MTUS1: variants seen among roughly 807,000 people sequenced by gnomAD.
The protein encoded by MTUS1 is microtubule-associated tumor suppressor 1.
A neutral mutation model predicts 120.8 loss-of-function variants in MTUS1; 109 were observed. That is an observed-to-expected ratio of 0.90 (90% CI 0.77 to 1.06). The LOEUF is 1.06. MTUS1 is among the 50% of genes least tolerant of loss of function. MTUS1 has a pLI of 0.00. For missense variants in MTUS1, 2,210 were observed against 1,486.3 expected (o/e 1.49, Z -8.01); for synonymous variants, 737 against 550.5 (o/e 1.34, Z -4.74).
intron 3 of MTUS1, among the ~76,000 whole-genome samples, chr8:17,733,244 G>A (rs770076882): frequency 1.4e-4 from 21 of 151,982 alleles, no homozygotes; most frequent in African/African-American, 2.7e-4. Flanking sequence ...TCAGCTACTC[G>A]GTAGGCTGAG....
intron 14 of MTUS1, among the ~76,000 whole-genome samples, 171 bp from the exon 15 acceptor site, chr8:17,646,310 G>T (rs901860192): frequency 3.3e-5 from 5 of 152,124 alleles, no homozygotes; most frequent in African/African-American, 4.8e-5. Context: ...AACACAGGCC[G>T]GGCGTGGTGG....
In MTUS1 at chr8:17,736,274, T is replaced by C. The variant is rs1314667649; in HGVS notation, c.2287+7330A>G. Among the ~76,000 whole-genome samples, 3 of 152,242 alleles carry C rather than the reference T, an allele frequency of 2.0e-5. No homozygotes were observed. In the East Asian group the frequency reaches 5.8e-4, roughly 29 times the overall value. ...TGTCCGTGAGGATGAAAAGAGGACA[T>C]GTGCCTCGCAGGCACCTGCATGGCC... is the stretch of plus-strand genomic sequence containing the variant. On this transcript the variant is annotated intron_variant, in intron 3 of 14. Transcript: ENST00000693296.
At chr8:17,654,383 C>G (rs960727912) in intron 10 of MTUS1, 178 bp downstream of exon 10, 26 of 593,688 alleles carry the variant, frequency 4.4e-5, no homozygotes, top group Non-Finnish European at 5.4e-5. Flanking sequence ...TATTTGCATC[C>G]TTAGTGGGAA....
chr8:17,756,443 C>T (rs990706557), intron 1 of MTUS1, among the ~76,000 whole-genome samples: 41 of 152,164 alleles, frequency 2.7e-4, no homozygotes, highest in African/African-American at 8.9e-4. Context: ...ATTAGACAGG[C>T]CATGAAAGCC....
At chr8:17,765,000 G>T (rs2049355206) in intron 1 of MTUS1, among the ~76,000 whole-genome samples, 1 of 152,094 alleles carries the variant, frequency 6.6e-6, no homozygotes, top group African/African-American at 2.4e-5. Flanking sequence ...AGAATCAGTG[G>T]GAGCCCTCAG....
At chr8:17,765,451 C>T (rs1044425356) in intron 1 of MTUS1, among the ~76,000 whole-genome samples, 1 of 151,924 alleles carries the variant, frequency 6.6e-6, no homozygotes, top group Non-Finnish European at 1.5e-5. Flanking sequence ...AAAACTCTTT[C>T]TCTACAAAAT....
intron 6 of MTUS1, among the ~76,000 whole-genome samples, chr8:17,708,407 A>C (rs1820583194): frequency 6.6e-6 from 1 of 152,214 alleles, no homozygotes; most frequent in Non-Finnish European, 1.5e-5. Flanking sequence ...GTATCACTTC[A>C]TACCCAGTAG....
intron 4 of MTUS1, among the ~76,000 whole-genome samples, chr8:17,722,880 A>G (rs2045940889): frequency 6.6e-6 from 1 of 152,128 alleles, no homozygotes. Context: ...CAAAAGAAGA[A>G]ACTGATCTGT....
chr8:17,769,915 CACACACACACA>C (rs1448315572), intron 1 of MTUS1, among the ~76,000 whole-genome samples: 38 of 89,128 alleles, frequency 4.3e-4, no homozygotes, highest in South Asian at 1.6e-3. Context: ...CACACACACA[CACACACACACA>C]CGGGGGGGGT....
chr8:17,691,600 A>T (rs1446256221), intron 6 of MTUS1, among the ~76,000 whole-genome samples: 1 of 152,250 alleles, frequency 6.6e-6, no homozygotes, highest in Non-Finnish European at 1.5e-5. Flanking sequence ...AGGGGCAGTG[A>T]AAGACTACAT....
At position 17,733,334 on chromosome 8, in the gene MTUS1, C is replaced by T. The variant is rs544718572; in HGVS notation, c.2288-9501G>A. Among the ~76,000 whole-genome samples the T allele has an allele frequency of 1.6e-3, 245 of 149,772 alleles. 1 individual carries two copies. The highest frequency in any genetic ancestry group is 3.6e-3 in the South Asian group (17 of 4,714). On this transcript the variant is annotated intron_variant, in intron 3 of 14. Transcript: ENST00000693296. ...CCATTGCACTCCAGCCTGGGCGACA[C>T]AGCAAGACTGTGCCTCAAAAAAATT...
At position 17,675,257 on chromosome 8, in the gene MTUS1, G is replaced by A. The variant is rs770788572; in HGVS notation, c.2839-5C>T. The stretch of plus-strand genomic sequence containing the variant: ...TTGTTTCAGTGCTTCCTCCCGCTGC[G>A]GAAAACACACATCAAGTTACTCATG... On this transcript the variant is annotated splice_region_variant and splice_polypyrimidine_tract_variant and intron_variant, in intron 7 of 14. Coordinates refer to ENST00000693296, the MANE Select transcript of MTUS1 (RefSeq NM_001363059.2). 2.0e-5 allele frequency: 32 copies of A among 1,613,654 alleles called. No homozygotes were observed. Among genetic ancestry groups the A allele is most frequent in the East Asian group, 8.9e-5 (4 of 44,880 alleles).
rs73204299 is a variant in MTUS1, at chr8:17,714,007, C to T, written c.2585-755G>A. Among the ~76,000 whole-genome samples, 6 of 152,192 alleles carry T rather than the reference C, an allele frequency of 3.9e-5. No individual in the cohort carries two copies. The South Asian group carries it at 1.2e-3, about 32-fold the overall frequency. On this transcript the variant is annotated intron_variant, in intron 5 of 14. Transcript: ENST00000693296. ...GAGTCTCCTGTTCTACAAAGCTGTC[C>T]ATGGAATCTCATTCTCTGCAAGTTA...
At chr8:17,751,232 G>C (rs901863316) in intron 2 of MTUS1, among the ~76,000 whole-genome samples, 4 of 152,190 alleles carry the variant, frequency 2.6e-5, no homozygotes, top group African/African-American at 9.7e-5. Flanking sequence ...CTGGGAGGCA[G>C]AGGTTGCAGT....
chr8:17,795,007 G>C (rs977100785), intron 1 of MTUS1, among the ~76,000 whole-genome samples: 1 of 152,192 alleles, frequency 6.6e-6, no homozygotes, highest in African/African-American at 2.4e-5. Context: ...TTTCTTATTT[G>C]TCACTGAACA....
intron 1 of MTUS1, among the ~76,000 whole-genome samples, chr8:17,761,106 C>T (rs923293688): frequency 2.0e-5 from 3 of 151,750 alleles, no homozygotes; most frequent in African/African-American, 4.8e-5. Flanking sequence ...TCCTCTTAAA[C>T]GGTTACCAAA....
intron 12 of MTUS1, among the ~76,000 whole-genome samples, chr8:17,651,923 C>A (rs1340994571): frequency 6.6e-6 from 1 of 152,224 alleles, no homozygotes; most frequent in African/African-American, 2.4e-5. Context: ...AAATCACTGA[C>A]TCTTCCTAAG....
At chr8:17,719,907 T>C (rs1364717543) in intron 4 of MTUS1, among the ~76,000 whole-genome samples, 1 of 152,228 alleles carries the variant, frequency 6.6e-6, no homozygotes, top group Non-Finnish European at 1.5e-5. Context: ...CCTGTCTTAT[T>C]GCAGTGAAAA....
Position 17,767,560 on chromosome 8 carries a change from T to A in MTUS1, c.-154-11599A>T, listed in dbSNP as rs540362386. 1.3e-3 allele frequency among the ~76,000 whole-genome samples: 187 copies of A among 147,620 alleles called. 2 individuals are homozygous for A. Among genetic ancestry groups the A allele is most frequent in the Middle Eastern group, 7.0e-3 (2 of 284 alleles). ...AAAAAAAAAAAAAATCAACCAGGCA[T>A]GGGGGTGCACACCTATGGTCCCAGC... On this transcript the variant is annotated intron_variant, in intron 1 of 14. Transcript: ENST00000693296.
Sources: gnomAD v4.1 joint callset for allele counts (sites outside exome capture counted in the v4.1 genomes callset) on GRCh38, gnomAD v4.1.1 for gene constraint, MANE v1.5 for transcripts, NCBI Gene and HGNC (gene_info 2026-07-23, HGNC 2026-07-21) for gene names.